TTC1: variants seen among roughly 807,000 people sequenced by gnomAD.
TTC1 encodes tetratricopeptide repeat protein 1.
A neutral mutation model predicts 37.6 loss-of-function variants in TTC1; 31 were observed. The ratio of observed to expected loss-of-function variants is 0.82; its 90% CI spans 0.62 to 1.11. TTC1 has a LOEUF of 1.11. Ranked by LOEUF, TTC1 falls within the 50% of genes most tolerant of loss-of-function variation. The probability of loss-of-function intolerance (pLI) is 0.00; values close to 1 mark genes in which losing one functional copy is unlikely to be tolerated. For synonymous variants in TTC1, 127 were observed against 122.4 expected, an observed-to-expected ratio of 1.04 and a Z score of -0.25; for missense variants, 351 against 339.0, an observed-to-expected ratio of 1.04 and a Z score of -0.28.
At chr5:160,043,025 AT>A in intron 4 of TTC1, 107 bp from the exon 5 acceptor site, 1 of 1,155,456 alleles carries the variant, frequency 8.7e-7, no homozygotes, top group Non-Finnish European at 1.2e-6. Flanking sequence ...TTTGAAAACC[AT>A]TCTGTATCTC....
At chr5:160,064,857 A>G in intron 7 of TTC1, 75 bp from the exon 8 acceptor site, 2 of 1,465,282 alleles carry the variant, frequency 1.4e-6, no homozygotes. Context: ...ACTCAGTGGT[A>G]AGGCAAGATT....
At chr5:160,036,895 G>T in intron 4 of TTC1, 92 bp downstream of exon 4, 2 of 852,432 alleles carry the variant, frequency 2.3e-6, no homozygotes, top group Non-Finnish European at 3.7e-6. Flanking sequence ...CATAGAGGTT[G>T]CTGCCTCCCT....
chr5:160,026,581 A>G (rs1756811251), intron 2 of TTC1, among the ~76,000 whole-genome samples: 1 of 152,132 alleles, frequency 6.6e-6, no homozygotes, highest in African/African-American at 2.4e-5. Context: ...CCAGTAATGT[A>G]TCTTGTCTTA....
chr5:160,053,126 G>T (rs1409215769), intron 7 of TTC1, among the ~76,000 whole-genome samples: 1 of 151,802 alleles, frequency 6.6e-6, no homozygotes, highest in Non-Finnish European at 1.5e-5. Context: ...TGCTGATGAG[G>T]TAACTTTGGT....
At chr5:160,037,410 T>C (rs566342377) in intron 4 of TTC1, among the ~76,000 whole-genome samples, 15 of 152,310 alleles carry the variant, frequency 9.8e-5, no homozygotes, top group Middle Eastern at 3.4e-3. Flanking sequence ...TTTTATACCA[T>C]GACCTTATTA....
intron 2 of TTC1, among the ~76,000 whole-genome samples, chr5:160,011,751 C>A (rs1201546429): frequency 1.3e-5 from 2 of 152,222 alleles, no homozygotes; most frequent in Non-Finnish European, 2.9e-5. Context: ...GCAAGGTAGT[C>A]TCTGAAGAGT....
intron 2 of TTC1, among the ~76,000 whole-genome samples, chr5:160,014,987 G>T (rs565866346): frequency 2.1e-4 from 32 of 152,272 alleles, no homozygotes; most frequent in African/African-American, 7.5e-4. Flanking sequence ...ATAGTGTAGT[G>T]TATTTTTTTG....
rs536586329 is a variant in TTC1, at chr5:160,017,732, A to G, written c.330+6874A>G. Among the ~76,000 whole-genome samples the G allele has an allele frequency of 1.1e-4, 17 of 152,342 alleles. No individual in the cohort carries two copies. The Middle Eastern group carries it at 0.01, about 91-fold the overall frequency. On this transcript the variant is annotated intron_variant, in intron 2 of 7. Coordinates refer to ENST00000231238, the MANE Select transcript of TTC1 (RefSeq NM_003314.3). ...GCTGAGGCTTGAGGACCACTGTCAC[A>G]GGTTTTGCACAATCTTCCTTCATTA... is the stretch of plus-strand genomic sequence containing the variant.
At chr5:160,063,966 C>CTTTTTTT (rs34967107) in intron 7 of TTC1, among the ~76,000 whole-genome samples, 3 of 106,664 alleles carry the variant, frequency 2.8e-5, no homozygotes, top group Admixed American at 1.2e-4. Context: ...TAGACCATGA[C>CTTTTTTT]TTTTTTTTTT....
chr5:160,037,444 A>G lies in TTC1; in HGVS notation c.504+641A>G, dbSNP rs535039843. Among the ~76,000 whole-genome samples the G allele has an allele frequency of 2.3e-3, 346 of 152,308 alleles. 2 individuals carry two copies. The highest frequency in any genetic ancestry group is 7.6e-3 in the African/African-American group (318 of 41,576). ...TAAAAGTTAGATTTGGGCCAGATGC[A>G]GTGGCTCACACCCGTAAACCCAGCA... On this transcript the variant is annotated intron_variant, in intron 4 of 7. Transcript: ENST00000231238.
intron 2 of TTC1, among the ~76,000 whole-genome samples, chr5:160,024,769 T>C (rs1756772320): frequency 6.6e-6 from 1 of 152,024 alleles, no homozygotes; most frequent in African/African-American, 2.4e-5. Flanking sequence ...GTAATAATAA[T>C]AGAACAGCCT....
chr5:160,010,555 G>C lies in TTC1; in HGVS notation c.27G>C (p.Gly9=), dbSNP rs1756481486. The C allele has an allele frequency of 6.2e-7, 1 of 1,613,794 alleles. No individual in the cohort carries two copies. The highest frequency in any genetic ancestry group is 8.5e-7 in the Non-Finnish European group (1 of 1,179,854). The change falls in exon 2 of 8, where the codon GGG becomes GGC. Residue 9 remains glycine (G), a synonymous_variant. Coordinates refer to ENST00000231238, the MANE Select transcript of TTC1 (RefSeq NM_003314.3). ...TGGGGGAGAAGTCAGAGAACTGTGG[G>C]GTTCCAGAGGATCTGTTAAATGGTT... MGEKSENC[G]VPEDLLNGLK... is the part of the protein sequence containing the mutation.
intron 2 of TTC1, 137 bp downstream of exon 2, chr5:160,010,995 G>A (rs937861019): frequency 1.2e-6 from 1 of 808,046 alleles, no homozygotes; most frequent in East Asian, 2.7e-5. Flanking sequence ...TAGTAGTGTT[G>A]GATCTGAGAT....
At chr5:160,046,354 T>C (rs1230248895) in intron 5 of TTC1, among the ~76,000 whole-genome samples, 1 of 152,206 alleles carries the variant, frequency 6.6e-6, no homozygotes, top group African/African-American at 2.4e-5. Flanking sequence ...ATTCTCTCTC[T>C]TAAATTTAAT....
At chr5:160,036,918 A>G in intron 4 of TTC1, 115 bp downstream of exon 4, 2 of 671,794 alleles carry the variant, frequency 3.0e-6, no homozygotes, top group East Asian at 2.7e-5. Flanking sequence ...TCCTGCCCAT[A>G]TATTTCCCTG....
intron 2 of TTC1, among the ~76,000 whole-genome samples, chr5:160,015,673 C>A (rs1376129547): frequency 6.6e-6 from 1 of 152,142 alleles, no homozygotes. Context: ...TCATAATGTC[C>A]TTTGTAATAA....
intron 7 of TTC1, among the ~76,000 whole-genome samples, chr5:160,060,795 C>G (rs1753361739): frequency 1.3e-5 from 2 of 152,230 alleles, no homozygotes; most frequent in Admixed American, 1.3e-4. Context: ...GTAAATTTTT[C>G]AGTCACCAAA....
rs1310066249 is a variant in TTC1, at chr5:160,045,554, C to CTCTCT, written c.541+2385_541+2386insTCTCT. On this transcript the variant is annotated intron_variant, in intron 5 of 7. Transcript: ENST00000231238. ...CTCTCTCTCTCTCTCTCTCTCTCTC[C>CTCTCT]CCCTCCCCTCTCTCAATCTCTCAAT... 9.7e-4 allele frequency among the ~76,000 whole-genome samples: 113 copies of CTCTCT among 116,034 alleles called. 6 individuals carry two copies. Among genetic ancestry groups the CTCTCT allele is most frequent in the South Asian group, 2.6e-3 (8 of 3,100 alleles). The allele number at this position is 116,034 out of a possible 152,430, so 76.1% of individuals were successfully genotyped here.
chr5:160,033,169 A>C (rs1756942875), intron 2 of TTC1, among the ~76,000 whole-genome samples: 1 of 152,170 alleles, frequency 6.6e-6, no homozygotes, highest in South Asian at 2.1e-4. Context: ...AATACAGTAG[A>C]GATCATTACA....
Sources: allele counts gnomAD v4.1 joint callset (sites outside exome capture counted in the v4.1 genomes callset), GRCh38; gene constraint gnomAD v4.1.1; transcripts MANE v1.5; gene names NCBI Gene and HGNC (gene_info 2026-07-23, HGNC 2026-07-21).